Variants in TSPAN15 observed in about 807,000 individuals in gnomAD.
The protein encoded by TSPAN15 is tetraspanin-15.
In TSPAN15, 20 loss-of-function variants were observed where a neutral mutation model predicts 34.5. That is an observed-to-expected ratio of 0.58 (90% confidence interval 0.41 to 0.84). The LOEUF (loss-of-function observed/expected upper bound fraction) is 0.84, where lower values mean the gene tolerates loss of function less well. TSPAN15 is among the 40% of genes least tolerant of loss of function. The pLI is 0.00. For missense variants in TSPAN15, 313 were observed against 386.1 expected (o/e 0.81, Z 1.59); for synonymous variants, 155 against 153.9 (o/e 1.01, Z -0.05).
At chr10:69,502,356 G>C (rs1842228236) in intron 5 of TSPAN15, among the ~76,000 whole-genome samples, 1 of 152,158 alleles carries the variant, frequency 6.6e-6, no homozygotes, top group East Asian at 1.9e-4. Context: ...GAGCTCTTGG[G>C]ACCAATTTTC....
At chr10:69,540,317 C>T in the TSPAN15 span, among the ~76,000 whole-genome samples, 1 of 152,178 alleles carries the variant, frequency 6.6e-6, no homozygotes, top group Non-Finnish European at 1.5e-5. Context: ...GTGGTGTGAA[C>T]TCGGGAGGCA....
At chr10:69,539,344 A>T in the TSPAN15 span, among the ~76,000 whole-genome samples, 1 of 151,328 alleles carries the variant, frequency 6.6e-6, no homozygotes, top group East Asian at 1.9e-4. Flanking sequence ...AGAAACTACC[A>T]CTAAAGAACT....
chr10:69,509,879 C>T (rs1842397960), downstream of TSPAN15, among the ~76,000 whole-genome samples: 1 of 152,100 alleles, frequency 6.6e-6, no homozygotes, highest in African/African-American at 2.4e-5. Flanking sequence ...TGTCAAAGAT[C>T]AGATATTGTA....
chr10:69,500,227 C>T (rs995420279), intron 5 of TSPAN15, among the ~76,000 whole-genome samples: 2 of 152,154 alleles, frequency 1.3e-5, no homozygotes, highest in African/African-American at 2.4e-5. Context: ...GATGCAGCCT[C>T]AGCTCAGTTC....
At chr10:69,516,492 C>T in the TSPAN15 span, among the ~76,000 whole-genome samples, 4 of 152,178 alleles carry the variant, frequency 2.6e-5, no homozygotes, top group African/African-American at 7.2e-5. Context: ...GGGGCCTGGA[C>T]TGAGGCTGGG....
rs983944337 is a variant in TSPAN15, at chr10:69,507,335, G to T, written c.*357G>T. 4.1e-6 allele frequency: 5 copies of T among 1,219,332 alleles called. No homozygotes were observed. In the African/African-American group the frequency reaches 7.9e-5, roughly 19 times the overall value. 75.5% of individuals were successfully genotyped at this position (1,219,332 alleles called of 1,614,324 possible). On this transcript the variant is annotated 3_prime_UTR_variant, in exon 8 of 8. Transcript: ENST00000373290. ...TGGCGGTGGTATTCAAGGCAGTTTT[G>T]TAGCACCTGTAATTGGGGAGAGGGA... is the stretch of plus-strand genomic sequence containing the variant.
At chr10:69,525,675 G>A in the TSPAN15 span, among the ~76,000 whole-genome samples, 54 of 146,480 alleles carry the variant, frequency 3.7e-4, 4 homozygotes, top group African/African-American at 1.0e-3. Flanking sequence ...ATAAAAATTA[G>A]CCAGGCATGG....
chr10:69,504,332 G>A (rs757913546), intron 5 of TSPAN15, 106 bp from the exon 6 acceptor site: 446 of 1,076,560 alleles, frequency 4.1e-4, no homozygotes, highest in Non-Finnish European at 5.7e-4. Context: ...CCTGCTGGAC[G>A]GTGCAACTCT....
intron 1 of TSPAN15, among the ~76,000 whole-genome samples, chr10:69,473,446 A>T (rs1273358151): frequency 6.6e-6 from 1 of 152,132 alleles, no homozygotes; most frequent in Non-Finnish European, 1.5e-5. Flanking sequence ...CCTTGCGGAA[A>T]TGTGACATCC....
chr10:69,490,052 C>G (rs7070665), intron 3 of TSPAN15, among the ~76,000 whole-genome samples: 1 of 151,888 alleles, frequency 6.6e-6, no homozygotes, highest in Admixed American at 6.5e-5. Context: ...GTCTATACCC[C>G]CATCCCAGGC....
chr10:69,459,105 C>CA (rs1259881929), intron 1 of TSPAN15, among the ~76,000 whole-genome samples: 1,629 of 57,538 alleles, frequency 0.028, 31 homozygotes, highest in African/African-American at 0.078. Flanking sequence ...ACAAAACAGA[C>CA]AAAAAAAAAA....
At chr10:69,481,431 T>C (rs1397370965) in intron 1 of TSPAN15, among the ~76,000 whole-genome samples, 1 of 152,230 alleles carries the variant, frequency 6.6e-6, no homozygotes, top group Non-Finnish European at 1.5e-5. Context: ...TCCTCTGTTA[T>C]CCTGTGTTTC....
the TSPAN15 span, among the ~76,000 whole-genome samples, chr10:69,530,818 C>CTATATATATA: frequency 9.4e-5 from 4 of 42,560 alleles, no homozygotes; most frequent in Non-Finnish European, 1.8e-4. Context: ...CTCTCTCTCT[C>CTATATATATA]TCTATATATA....
At chr10:69,502,389 T>C (rs1842229103) in intron 5 of TSPAN15, among the ~76,000 whole-genome samples, 1 of 152,200 alleles carries the variant, frequency 6.6e-6, no homozygotes. Flanking sequence ...TCCCTTGTTG[T>C]TGGCTACCCC....
chr10:69,491,844 C>T (rs1157722749), intron 3 of TSPAN15, among the ~76,000 whole-genome samples: 3 of 152,192 alleles, frequency 2.0e-5, no homozygotes, highest in East Asian at 1.9e-4. Flanking sequence ...GAAGCTTTAG[C>T]GGCCGCCCCT....
the TSPAN15 span, among the ~76,000 whole-genome samples, chr10:69,516,318 G>A: frequency 6.6e-6 from 1 of 152,314 alleles, no homozygotes; most frequent in South Asian, 2.1e-4. Flanking sequence ...GGAAGAACCA[G>A]GATTTGAACC....
At chr10:69,534,501 AT>A in the TSPAN15 span, among the ~76,000 whole-genome samples, 16 of 152,154 alleles carry the variant, frequency 1.1e-4, no homozygotes, top group African/African-American at 3.9e-4. Context: ...ATTTTAAAAC[AT>A]TTTCAATAAT....
intron 3 of TSPAN15, among the ~76,000 whole-genome samples, chr10:69,488,749 C>T (rs1203562550): frequency 6.6e-6 from 1 of 152,138 alleles, no homozygotes; most frequent in Non-Finnish European, 1.5e-5. Context: ...TCACAAAGAT[C>T]ACATGCTTCA....
chr10:69,546,745 A>G, the TSPAN15 span, among the ~76,000 whole-genome samples: 27 of 152,242 alleles, frequency 1.8e-4, no homozygotes, highest in African/African-American at 6.5e-4. Context: ...ATCATCTCAT[A>G]CTTTGACTAT....
Sources: gnomAD v4.1 joint callset for allele counts (sites outside exome capture counted in the v4.1 genomes callset) on GRCh38, gnomAD v4.1.1 for gene constraint, MANE v1.5 for transcripts, NCBI Gene and HGNC (gene_info 2026-07-23, HGNC 2026-07-21) for gene names.